GRAMD2A: variants seen among roughly 807,000 people sequenced by gnomAD.
GRAMD2A encodes GRAM domain-containing protein 2A.
GRAMD2A carries 37 observed loss-of-function variants against 51.1 expected under a neutral mutation model. That is an observed-to-expected ratio of 0.72 (90% CI 0.56 to 0.95). GRAMD2A has a LOEUF of 0.95. Ranked by LOEUF, GRAMD2A falls within the 40% of genes least tolerant of loss-of-function variation. GRAMD2A has a pLI of 0.00. For missense variants in GRAMD2A, 414 were observed against 426.9 expected (o/e 0.97, Z 0.27); for synonymous variants, 136 against 157.1 (o/e 0.87, Z 1.01).
intron 1 of GRAMD2A, among the ~76,000 whole-genome samples, chr15:72,185,009 G>A (rs937050737): frequency 3.3e-5 from 5 of 152,028 alleles, no homozygotes; most frequent in Admixed American, 2.0e-4. Context: ...CTACTTTAAC[G>A]GTTACAAGAT....
At chr15:72,177,511 T>G (rs1160067995) in intron 1 of GRAMD2A, among the ~76,000 whole-genome samples, 1 of 152,244 alleles carries the variant, frequency 6.6e-6, no homozygotes, top group East Asian at 1.9e-4. Context: ...TACTCGTGTA[T>G]GTGTCTGCTT....
chr15:72,163,188 C>A, intron 10 of GRAMD2A, 78 bp downstream of exon 10: 1 of 969,662 alleles, frequency 1.0e-6, no homozygotes, highest in Non-Finnish European at 1.6e-6. Context: ...ATAGTGAATT[C>A]CCCACACTCC....
chr15:72,169,724 G>T, intron 2 of GRAMD2A, 123 bp downstream of exon 2: 1 of 760,770 alleles, frequency 1.3e-6, no homozygotes, highest in South Asian at 1.4e-5. Flanking sequence ...GCCTGTGCCT[G>T]ACCTCACAGA....
intron 1 of GRAMD2A, among the ~76,000 whole-genome samples, chr15:72,189,358 C>T (rs1323246528): frequency 6.6e-6 from 1 of 151,926 alleles, no homozygotes; most frequent in Non-Finnish European, 1.5e-5. Context: ...TGCAGAGACA[C>T]AAATGAGTGC....
In GRAMD2A at chr15:72,166,617, T is replaced by C. The variant is rs1567082270; in HGVS notation, c.543+15A>G. 6.2e-7 allele frequency: 1 copy of C among 1,608,874 alleles called. No individual in the cohort carries two copies. The highest frequency in any genetic ancestry group is 8.5e-7 in the Non-Finnish European group (1 of 1,175,626). On this transcript the variant is annotated intron_variant, in intron 7 of 11. Coordinates refer to ENST00000309731, the MANE Select transcript of GRAMD2A (RefSeq NM_001012642.3). This position sits in a 1 kb window ranked among gnomAD's most constrained non-coding sequence, Gnocchi z 4.1. Reference sequence around the variant, plus strand: ...TGAGCGACTTCCCTGGCCTTCCTGCTCCCAAGCTCCATACCTGTAGGTGGG... The same window carrying C: ...TGAGCGACTTCCCTGGCCTTCCTGCCCCCAAGCTCCATACCTGTAGGTGGG...
chr15:72,166,528 T>A lies in GRAMD2A; in HGVS notation c.543+104A>T. 1.2e-6 allele frequency: 1 copy of A among 806,578 alleles called. No individual in the cohort carries two copies. Among genetic ancestry groups the A allele is most frequent in the South Asian group, 1.4e-5 (1 of 73,030 alleles). 50.0% of individuals were successfully genotyped at this position (806,578 alleles called of 1,614,324 possible). A position where few individuals can be genotyped will look rare whatever the true frequency, so the allele number is the denominator to read the frequency against. On this transcript the variant is annotated intron_variant, in intron 7 of 11. Transcript: ENST00000309731. The surrounding 1 kb of genome is among the most constrained non-coding windows in gnomAD (Gnocchi z 4.1). ...CTTTAACTCCCCTCTCCCTGCCCCA[T>A]TCCCTGTGCTGGAGAGATGGGCGAC...
At chr15:72,178,549 T>C (rs911180590) in intron 1 of GRAMD2A, among the ~76,000 whole-genome samples, 3 of 151,892 alleles carry the variant, frequency 2.0e-5, no homozygotes, top group African/African-American at 7.2e-5. Flanking sequence ...ATAATGTCAT[T>C]ATTGCTGTCT....
Position 72,160,188 on chromosome 15 carries a change from T to C in GRAMD2A, c.*1821A>G, listed in dbSNP as rs2081456021. The stretch of plus-strand genomic sequence containing the variant: ...GGCACATCCACCTATAACTGGCACC[T>C]CTCATGGCCTCTGACAACCAAGCAA... On this transcript the variant is annotated 3_prime_UTR_variant, in exon 12 of 12. Transcript: ENST00000309731. 1 of 152,086 alleles carries C rather than the reference T, an allele frequency of 6.6e-6. No individual in the cohort carries two copies. The highest frequency in any genetic ancestry group is 1.5e-5 in the Non-Finnish European group (1 of 68,042). The allele number at this position is 152,086 out of a possible 1,614,324, so 9.4% of individuals were successfully genotyped here. A position where few individuals can be genotyped will look rare whatever the true frequency, so the allele number is the denominator to read the frequency against.
chr15:72,193,514 G>A (rs1315086315), intron 1 of GRAMD2A, among the ~76,000 whole-genome samples: 4 of 150,998 alleles, frequency 2.6e-5, no homozygotes, highest in African/African-American at 9.7e-5. Context: ...CACCACACCC[G>A]GCTTGTGCAT....
rs748354667 is a variant in GRAMD2A at position 72,162,013 on chromosome 15, C to A, written c.1062-1G>T. ...GGGACAAAGGCCAAGTGGCTGTTACCTGCACACAGGAAAGATGTCCACATC... is the reference window on the plus strand; with the variant it reads ...GGGACAAAGGCCAAGTGGCTGTTACATGCACACAGGAAAGATGTCCACATC... On this transcript the variant is annotated splice_acceptor_variant, in intron 11 of 11. Coordinates refer to ENST00000309731, the MANE Select transcript of GRAMD2A (RefSeq NM_001012642.3). LOFTEE classifies it high-confidence loss of function. The A allele has an allele frequency of 1.1e-5, 18 of 1,614,112 alleles. No individual in the cohort carries two copies. Among genetic ancestry groups the A allele is most frequent in the Non-Finnish European group, 1.5e-5 (18 of 1,180,018 alleles).
rs1176887122 is a variant in GRAMD2A, at chr15:72,166,437, T to C, written c.543+195A>G. 1.3e-5 allele frequency among the ~76,000 whole-genome samples: 2 copies of C among 152,176 alleles called. No individual in the cohort carries two copies. The highest frequency in any genetic ancestry group is 3.9e-4 in the East Asian group (2 of 5,190). ...GGGGACACACAGGGGCTCACTGGCC[T>C]CAAAGACATGCTTGCAAGCATAGAC... On this transcript the variant is annotated intron_variant, in intron 7 of 11. Transcript: ENST00000309731. The surrounding 1 kb of genome is among the most constrained non-coding windows in gnomAD (Gnocchi z 4.1).
intron 1 of GRAMD2A, 40 bp downstream of exon 1, chr15:72,197,691 C>T (rs775807116): frequency 7.8e-7 from 1 of 1,279,766 alleles, no homozygotes; most frequent in Middle Eastern, 2.8e-4. Flanking sequence ...CGGCGGCCTC[C>T]GGAACCCCCG....
At chr15:72,167,966 C>T in intron 4 of GRAMD2A, 127 bp from the exon 5 acceptor site, 2 of 694,686 alleles carry the variant, frequency 2.9e-6, no homozygotes, top group Non-Finnish European at 5.2e-6. Flanking sequence ...CTCCCCCTTC[C>T]CCACCGCAGG....
At chr15:72,177,558 AATTT>A (rs2081663291) in intron 1 of GRAMD2A, among the ~76,000 whole-genome samples, 1 of 152,162 alleles carries the variant, frequency 6.6e-6, no homozygotes. Flanking sequence ...GATAGACCAC[AATTT>A]ATTTATTCGT....
At chr15:72,169,081 G>A in intron 2 of GRAMD2A, 85 bp from the exon 3 acceptor site, 1 of 1,248,058 alleles carries the variant, frequency 8.0e-7, no homozygotes, top group Non-Finnish European at 1.2e-6. Flanking sequence ...CTGGCCTTGA[G>A]CCAGAAGCTT....
chr15:72,165,456 C>G (rs1276053532), intron 7 of GRAMD2A, 46 bp from the exon 8 acceptor site: 8 of 1,579,516 alleles, frequency 5.1e-6, no homozygotes, highest in African/African-American at 1.3e-5. Context: ...CTGGAACAGG[C>G]AAGGTCAGGC....
chr15:72,173,075 G>A (rs1180689133), intron 1 of GRAMD2A, among the ~76,000 whole-genome samples: 2 of 152,150 alleles, frequency 1.3e-5, no homozygotes, highest in Non-Finnish European at 2.9e-5. Context: ...GATGACAATG[G>A]GAAGGAGCTT....
Position 72,166,666 on chromosome 15 carries a change from T to C in GRAMD2A, c.509A>G (p.Tyr170Cys), listed in dbSNP as rs1567082326. 6.2e-7 allele frequency: 1 copy of C among 1,613,864 alleles called. No individual in the cohort carries two copies. The highest frequency in any genetic ancestry group is 8.5e-7 in the Non-Finnish European group (1 of 1,179,954). The change falls in exon 7 of 12, where the codon TAT becomes TGT. Residue 170 changes from tyrosine (Y) to cysteine (C), a missense_variant. Coordinates refer to ENST00000309731, the MANE Select transcript of GRAMD2A (RefSeq NM_001012642.3). This position sits in a 1 kb window ranked among gnomAD's most constrained non-coding sequence, Gnocchi z 4.1. ...GGTGCAGACTCTCCTCAGCAGGTCATATACACTGTCCCGGGAGAGCAGTGA... is the reference window on the plus strand; with the variant it reads ...GGTGCAGACTCTCCTCAGCAGGTCACATACACTGTCCCGGGAGAGCAGTGA... The part of the protein sequence containing the change: ...FVSLLSRDSV[Y>C]DLLRRVCTHL...
chr15:72,163,195 C>A, intron 10 of GRAMD2A, 71 bp downstream of exon 10: 1 of 1,063,436 alleles, frequency 9.4e-7, no homozygotes, highest in Non-Finnish European at 1.4e-6. Context: ...ATTCCCCACA[C>A]TCCAAGGCCC....
Sources: allele counts gnomAD v4.1 joint callset (sites outside exome capture counted in the v4.1 genomes callset), GRCh38; gene constraint gnomAD v4.1.1; non-coding constraint Gnocchi (gnomAD v3.1); transcripts MANE v1.5; gene names NCBI Gene and HGNC (gene_info 2026-07-23, HGNC 2026-07-21).